CENPP: variants seen among roughly 807,000 people sequenced by gnomAD.
CENPP encodes the protein centromere protein P.
Under a neutral mutation model 35.6 loss-of-function variants are expected in CENPP, and 24 were observed. The ratio of observed to expected loss-of-function variants is 0.67; its 90% CI spans 0.49 to 0.95. The LOEUF is 0.95. Among genes scored for constraint, CENPP ranks in the 40% least tolerant of loss-of-function variants. The probability of loss-of-function intolerance (pLI) is 0.00; values close to 1 mark genes in which losing one functional copy is unlikely to be tolerated. For missense variants in CENPP, 332 were observed against 345.3 expected (o/e 0.96, Z 0.31); for synonymous variants, 120 against 125.5 (o/e 0.96, Z 0.29).
intron 5 of CENPP, among the ~76,000 whole-genome samples, chr9:92,461,472 C>T (rs879616186): frequency 6.6e-6 from 1 of 152,148 alleles, no homozygotes; most frequent in African/African-American, 2.4e-5. Flanking sequence ...ATACTCCCTC[C>T]TTTTTTCTCC....
At position 92,616,112 on chromosome 9, in the gene CENPP, C is replaced by T; in HGVS notation, c.*2963C>T. ...CACAAGCCCCCCATTCATTTCCCTC[C>T]CTCCCGTTCTCTCTCCCTTTCTTCT... On this transcript the variant is annotated 3_prime_UTR_variant, in exon 8 of 8. Transcript: ENST00000375587. The T allele has an allele frequency of 1.6e-6, 2 of 1,233,280 alleles. No homozygotes were observed. The highest frequency in any genetic ancestry group is 1.2e-6 in the Non-Finnish European group (1 of 860,016). 76.4% of individuals were successfully genotyped at this position (1,233,280 alleles called of 1,614,324 possible). A position where few individuals can be genotyped will look rare whatever the true frequency, so the allele number is the denominator to read the frequency against.
chr9:92,510,106 G>A (rs1471219394), intron 5 of CENPP: 10 of 1,496,028 alleles, frequency 6.7e-6, no homozygotes, highest in East Asian at 2.3e-5. Flanking sequence ...TATAATGGTC[G>A]TGACTAAAAG....
chr9:92,598,244 C>T (rs927339720), intron 5 of CENPP, among the ~76,000 whole-genome samples: 1 of 152,182 alleles, frequency 6.6e-6, no homozygotes, highest in Non-Finnish European at 1.5e-5. Flanking sequence ...CCAGCTCTCA[C>T]CCCCCACTGC....
intron 5 of CENPP, chr9:92,416,752 T>C (rs759521569): frequency 1.5e-5 from 24 of 1,613,618 alleles, no homozygotes; most frequent in African/African-American, 9.3e-5. Flanking sequence ...GGATGTCTTG[T>C]AGTTTGTTGT....
intron 4 of CENPP, among the ~76,000 whole-genome samples, chr9:92,354,883 G>A (rs1282326038): frequency 1.3e-5 from 2 of 152,140 alleles, no homozygotes; most frequent in African/African-American, 4.8e-5. Context: ...GTAGGACCGT[G>A]ATGCCTGCCT....
At chr9:92,468,248 T>C (rs1295100478) in intron 5 of CENPP, among the ~76,000 whole-genome samples, 1 of 152,172 alleles carries the variant, frequency 6.6e-6, no homozygotes, top group Admixed American at 6.5e-5. Flanking sequence ...TACAAAACTG[T>C]GTAAGAGGTT....
chr9:92,575,887 C>A (rs774664829), intron 5 of CENPP, among the ~76,000 whole-genome samples: 24 of 152,012 alleles, frequency 1.6e-4, no homozygotes, highest in South Asian at 4.2e-4. Flanking sequence ...AAATTAGAAC[C>A]GTTGCGCGCT....
At chr9:92,378,715 T>C (rs1564286107) in intron 4 of CENPP, among the ~76,000 whole-genome samples, 1 of 152,244 alleles carries the variant, frequency 6.6e-6, no homozygotes, top group East Asian at 1.9e-4. Context: ...ACTTGTGGTG[T>C]ATGTGGCTTA....
intron 5 of CENPP, among the ~76,000 whole-genome samples, chr9:92,607,139 T>C (rs1056870207): frequency 6.6e-6 from 1 of 152,202 alleles, no homozygotes; most frequent in Non-Finnish European, 1.5e-5. Context: ...TTTTAGCACT[T>C]ACATTTCTAT....
rs765605150 is a variant in CENPP at position 92,619,149 on chromosome 9, C to G, written c.*6000C>G. 1 of 268,860 alleles carries G rather than the reference C, an allele frequency of 3.7e-6. No individual in the cohort carries two copies. Among genetic ancestry groups the G allele is most frequent in the South Asian group, 5.5e-5 (1 of 18,068 alleles). 16.7% of individuals were successfully genotyped at this position (268,860 alleles called of 1,614,324 possible). On this transcript the variant is annotated 3_prime_UTR_variant, in exon 8 of 8. Transcript: ENST00000375587. ...GGAACAAGGGCCACAGGTACCCACA[C>G]ATCTCAGGGGCTGGCTTTCTTTGAG...
intron 1 of CENPP, among the ~76,000 whole-genome samples, chr9:92,327,670 T>C (rs1236680782): frequency 6.6e-6 from 1 of 152,230 alleles, no homozygotes; most frequent in Admixed American, 6.5e-5. Flanking sequence ...TGGTTGGTGA[T>C]CTTATCAAAA....
In CENPP at chr9:92,362,941, T is replaced by G. The variant is rs547713602; in HGVS notation, c.468-16822T>G. Among the ~76,000 whole-genome samples the G allele has an allele frequency of 2.0e-5, 3 of 152,348 alleles. No homozygotes were observed. In the South Asian group the frequency reaches 6.2e-4, roughly 32 times the overall value. On this transcript the variant is annotated intron_variant, in intron 4 of 7. Transcript: ENST00000375587. The stretch of plus-strand genomic sequence containing the variant: ...ATTTTGGTGCTCAAAGTGTCCCGGA[T>G]TTGATCAGAGGGAATCTCTTTAAGC...
intron 4 of CENPP, among the ~76,000 whole-genome samples, chr9:92,346,445 C>G (rs894270888): frequency 1.3e-5 from 2 of 152,166 alleles, no homozygotes; most frequent in Non-Finnish European, 2.9e-5. Flanking sequence ...GAGCAATTGA[C>G]ACAGGGCCAC....
At position 92,469,773 on chromosome 9, in the gene CENPP, G is replaced by A. The variant is rs914244307; in HGVS notation, c.564+89914G>A. Reference sequence around the variant, plus strand: ...GGCAGGAGCTGTGCTGAGGGGAGGCGGTGGCGGGGGAAATGAGGTGCTCCT... The same window carrying A: ...GGCAGGAGCTGTGCTGAGGGGAGGCAGTGGCGGGGGAAATGAGGTGCTCCT... On this transcript the variant is annotated intron_variant, in intron 5 of 7. Transcript: ENST00000375587. 1.1e-4 allele frequency among the ~76,000 whole-genome samples: 17 copies of A among 152,034 alleles called. No homozygotes were observed. The East Asian group carries it at 1.4e-3, about 12-fold the overall frequency.
At chr9:92,398,809 G>A (rs767780392) in intron 5 of CENPP, among the ~76,000 whole-genome samples, 2 of 152,070 alleles carry the variant, frequency 1.3e-5, no homozygotes, top group Non-Finnish European at 2.9e-5. Context: ...GGTGGCTCAC[G>A]CCTGTAATAC....
At chr9:92,603,580 C>G (rs1423252429) in intron 5 of CENPP, among the ~76,000 whole-genome samples, 5 of 152,102 alleles carry the variant, frequency 3.3e-5, no homozygotes, top group African/African-American at 1.2e-4. Flanking sequence ...CCCTCCTCAG[C>G]GATCCCTGTG....
At chr9:92,496,181 T>C in intron 5 of CENPP, 1 of 1,391,910 alleles carries the variant, frequency 7.2e-7, no homozygotes, top group South Asian at 1.7e-5. Flanking sequence ...TTCATCTGTG[T>C]GTTAGTGAAT....
intron 5 of CENPP, among the ~76,000 whole-genome samples, chr9:92,443,846 A>G (rs1316700727): frequency 6.6e-6 from 1 of 151,988 alleles, no homozygotes; most frequent in Non-Finnish European, 1.5e-5. Flanking sequence ...TATTTTTAGT[A>G]GAGATGGGGT....
intron 5 of CENPP, among the ~76,000 whole-genome samples, chr9:92,428,072 AG>A (rs1844013656): frequency 6.6e-6 from 1 of 152,196 alleles, no homozygotes; most frequent in African/African-American, 2.4e-5. Context: ...TCTATCAGAA[AG>A]GCCACTTGGG....
Sources: gnomAD v4.1 joint callset for allele counts (sites outside exome capture counted in the v4.1 genomes callset) on GRCh38, gnomAD v4.1.1 for gene constraint, MANE v1.5 for transcripts, NCBI Gene and HGNC (gene_info 2026-07-23, HGNC 2026-07-21) for gene names.